DGKB: variants seen among roughly 807,000 people sequenced by gnomAD.
DGKB encodes the protein diacylglycerol kinase beta.
Under a neutral mutation model 114.3 loss-of-function variants are expected in DGKB, and 67 were observed. The ratio of observed to expected loss-of-function variants is 0.59; its 90% CI spans 0.48 to 0.72. The LOEUF is 0.72. DGKB is among the 30% of genes least tolerant of loss of function. DGKB has a pLI of 0.00. For synonymous variants in DGKB, 398 were observed against 323.1 expected, an observed-to-expected ratio of 1.23 and a Z score of -2.49; for missense variants, 907 against 975.2, an observed-to-expected ratio of 0.93 and a Z score of 0.93.
At position 14,244,159 on chromosome 7, in the gene DGKB, A is replaced by C. The variant is rs186237739; in HGVS notation, c.2123-66008T>G. Among the ~76,000 whole-genome samples, 19 of 152,244 alleles carry C rather than the reference A, an allele frequency of 1.2e-4. No individual in the cohort carries two copies. In the East Asian group the frequency reaches 3.7e-3, roughly 29 times the overall value. Reference sequence around the variant, plus strand: ...AGGGAAGACATAAAAAGGAGATCGAAAGTGGACTAGGCCTTGAATAAAGTG... The same window carrying C: ...AGGGAAGACATAAAAAGGAGATCGACAGTGGACTAGGCCTTGAATAAAGTG... On this transcript the variant is annotated intron_variant, in intron 23 of 25. Coordinates refer to ENST00000402815, the MANE Select transcript of DGKB (RefSeq NM_001350709.2).
At chr7:14,405,487 G>C (rs1424866651) in intron 21 of DGKB, among the ~76,000 whole-genome samples, 2 of 151,952 alleles carry the variant, frequency 1.3e-5, no homozygotes, top group Non-Finnish European at 2.9e-5. Flanking sequence ...AATGAGATAG[G>C]CTTCTTAAAG....
chr7:14,922,101 T>C (rs1171110733), intron 1 of DGKB, among the ~76,000 whole-genome samples: 1 of 151,930 alleles, frequency 6.6e-6, no homozygotes, highest in Non-Finnish European at 1.5e-5. Context: ...ACATGCTGTT[T>C]AGTAGAGGTA....
chr7:14,381,002 G>T (rs886443054), intron 21 of DGKB, among the ~76,000 whole-genome samples: 4 of 152,192 alleles, frequency 2.6e-5, no homozygotes, highest in Admixed American at 1.3e-4. Context: ...CATGCAGAAG[G>T]TATGTGCTGC....
chr7:14,471,042 T>C (rs754967538), intron 21 of DGKB, among the ~76,000 whole-genome samples: 13 of 151,130 alleles, frequency 8.6e-5, no homozygotes, highest in Non-Finnish European at 1.2e-4. Context: ...TATCTCTAGA[T>C]AACAAATGGC....
intron 20 of DGKB, among the ~76,000 whole-genome samples, chr7:14,527,959 A>T (rs1201094932): frequency 6.6e-6 from 1 of 152,042 alleles, no homozygotes; most frequent in African/African-American, 2.4e-5. Flanking sequence ...TAAGATGGAA[A>T]TTTTTAGTGT....
chr7:14,402,586 C>T (rs577961390), intron 21 of DGKB, among the ~76,000 whole-genome samples: 1 of 151,930 alleles, frequency 6.6e-6, no homozygotes, highest in East Asian at 1.9e-4. Context: ...ATGAGTATGA[C>T]AGTATGTAAA....
intron 21 of DGKB, among the ~76,000 whole-genome samples, chr7:14,369,152 T>C (rs1256028834): frequency 6.6e-6 from 1 of 152,052 alleles, no homozygotes; most frequent in Non-Finnish European, 1.5e-5. Context: ...CTCCCAATTA[T>C]GAGTGAGAAC....
chr7:14,684,672 A>G (rs1460898356), intron 10 of DGKB, among the ~76,000 whole-genome samples: 5 of 152,194 alleles, frequency 3.3e-5, no homozygotes, highest in African/African-American at 1.2e-4. Flanking sequence ...ACGACTCATT[A>G]ATCATCAATG....
chr7:14,730,588 A>T (rs1449332452), intron 5 of DGKB, among the ~76,000 whole-genome samples: 1 of 152,210 alleles, frequency 6.6e-6, no homozygotes, highest in African/African-American at 2.4e-5. Flanking sequence ...TGCATAGGGC[A>T]GGGAGATGGA....
rs541323903 is a variant in DGKB at position 14,356,118 on chromosome 7, G to A, written c.1836-10727C>T. Among the ~76,000 whole-genome samples, 9 of 152,174 alleles carry A rather than the reference G, an allele frequency of 5.9e-5. No individual in the cohort carries two copies. The South Asian group carries it at 1.0e-3, about 18-fold the overall frequency. On this transcript the variant is annotated intron_variant, in intron 21 of 25. Transcript: ENST00000402815. ...AGTTTGTATTTCTGTGGGATCAGTG[G>A]TGATATCCTCTTTATCATTTTTTAT...
chr7:14,927,472 G>T (rs1243643022), intron 1 of DGKB, among the ~76,000 whole-genome samples: 2 of 150,942 alleles, frequency 1.3e-5, no homozygotes, highest in African/African-American at 4.9e-5. Context: ...TGCTAGGTAG[G>T]TTTTGTTTTG....
rs73290614 is a variant in DGKB at position 14,972,309 on chromosome 7, G to C, written c.-188+2387C>G. On this transcript the variant is annotated intron_variant, in intron 1 of 4. Coordinates refer to the DGKB transcript ENST00000437998. ...TCCTCATGTACTCTAAAAGCTATTTGATGTAACTTTTGCTGGCAAACTGGA... is the reference window on the plus strand; with the variant it reads ...TCCTCATGTACTCTAAAAGCTATTTCATGTAACTTTTGCTGGCAAACTGGA... Among the ~76,000 whole-genome samples, 627 of 152,056 alleles carry C rather than the reference G, an allele frequency of 4.1e-3. 4 individuals carry two copies. The highest frequency in any genetic ancestry group is 0.014 in the African/African-American group (588 of 41,514).
chr7:14,322,349 A>G (rs1807977398), intron 23 of DGKB, among the ~76,000 whole-genome samples: 1 of 152,230 alleles, frequency 6.6e-6, no homozygotes, highest in Admixed American at 6.5e-5. Flanking sequence ...ACTCATAAAC[A>G]GAAACTTGGG....
At chr7:14,794,309 A>T (rs1482131555) in intron 2 of DGKB, among the ~76,000 whole-genome samples, 2 of 152,132 alleles carry the variant, frequency 1.3e-5, no homozygotes, top group Admixed American at 1.3e-4. Flanking sequence ...TATTCTCAGG[A>T]GTAAAGGGAG....
At chr7:14,721,040 C>T (rs1159186129) in intron 5 of DGKB, among the ~76,000 whole-genome samples, 1 of 152,156 alleles carries the variant, frequency 6.6e-6, no homozygotes, top group Non-Finnish European at 1.5e-5. Context: ...ACTCATCCTG[C>T]TGATGAGCTA....
chr7:14,964,061 AG>A (rs1307432985), intron 1 of DGKB, among the ~76,000 whole-genome samples: 2 of 152,118 alleles, frequency 1.3e-5, no homozygotes, highest in African/African-American at 4.8e-5. Context: ...GGGAATAGGG[AG>A]AGGTTTTACT....
At chr7:14,208,800 C>T (rs965939711) in intron 23 of DGKB, among the ~76,000 whole-genome samples, 2 of 151,660 alleles carry the variant, frequency 1.3e-5, no homozygotes, top group Admixed American at 6.6e-5. Flanking sequence ...GAAAACACAG[C>T]TAGTGTTTTT....
chr7:14,497,097 A>G (rs150969251), intron 20 of DGKB, among the ~76,000 whole-genome samples: 346 of 151,910 alleles, frequency 2.3e-3, no homozygotes, highest in African/African-American at 8.1e-3. Flanking sequence ...TCAAAAACCA[A>G]ATACGCATGT....
chr7:14,569,248 C>T (rs943073361), intron 20 of DGKB, among the ~76,000 whole-genome samples: 30 of 152,112 alleles, frequency 2.0e-4, no homozygotes, highest in African/African-American at 6.5e-4. Flanking sequence ...CTTTATCCCC[C>T]TAATCCCCAT....
Sources: allele counts gnomAD v4.1 joint callset (sites outside exome capture counted in the v4.1 genomes callset), GRCh38; gene constraint gnomAD v4.1.1; transcripts MANE v1.5; gene names NCBI Gene and HGNC (gene_info 2026-07-23, HGNC 2026-07-21).